The following CSMD1 variants were observed in gnomAD, a reference collection of about 807,000 sequenced individuals.
CSMD1 encodes CUB and Sushi multiple domains 1, also known as CUB and sushi domain-containing protein 1.
Under a neutral mutation model 417.5 loss-of-function variants are expected in CSMD1, and 213 were observed. That is an observed-to-expected ratio of 0.51 (90% CI 0.46 to 0.57). The LOEUF (loss-of-function observed/expected upper bound fraction) is 0.57, where lower values mean the gene tolerates loss of function less well. CSMD1 is among the 20% of genes least tolerant of loss of function. CSMD1 has a pLI of 0.00. For synonymous variants in CSMD1, 2,862 were observed against 1,736.8 expected (o/e 1.65, Z -16.11); for missense variants, 6,923 against 4,529.7 (o/e 1.53, Z -15.17).
At chr8:4,300,340 T>C (rs771534869) in intron 3 of CSMD1, among the ~76,000 whole-genome samples, 37 of 152,276 alleles carry the variant, frequency 2.4e-4, no homozygotes, top group Non-Finnish European at 4.7e-4. Flanking sequence ...AAAATAATAT[T>C]AAAAGGTAAA....
intron 5 of CSMD1, among the ~76,000 whole-genome samples, chr8:3,926,473 G>C (rs1218912078): frequency 1.3e-5 from 2 of 150,206 alleles, no homozygotes; most frequent in Non-Finnish European, 3.0e-5. Flanking sequence ...GAATACATGT[G>C]TTGCATTTCA....
chr8:4,636,487 C>T (rs751455132), intron 2 of CSMD1, among the ~76,000 whole-genome samples: 4 of 152,152 alleles, frequency 2.6e-5, no homozygotes, highest in Non-Finnish European at 4.4e-5. Flanking sequence ...TCCTATGTTC[C>T]TTTCACTGAA....
intron 49 of CSMD1, among the ~76,000 whole-genome samples, chr8:3,068,398 C>T (rs1813090173): frequency 6.6e-6 from 1 of 152,126 alleles, no homozygotes; most frequent in African/African-American, 2.4e-5. Flanking sequence ...CAAAAAATCC[C>T]CACACTTCAC....
Position 3,951,000 on chromosome 8 carries a change from C to T in CSMD1, c.818+46903G>A, listed in dbSNP as rs2912291. On this transcript the variant is annotated intron_variant, in intron 5 of 69. Transcript: ENST00000635120. ...CAGTTACAGTAAAAGCATAATTCAA[C>T]TGAGCCCCGTTTCTGATCTACAAAA... Among the ~76,000 whole-genome samples, 917 of 152,154 alleles carry T rather than the reference C, an allele frequency of 6.0e-3. 9 individuals carry two copies. The highest frequency in any genetic ancestry group is 0.018 in the African/African-American group (741 of 41,512).
intron 55 of CSMD1, among the ~76,000 whole-genome samples, chr8:2,977,915 T>A (rs1477915448): frequency 6.6e-6 from 1 of 152,078 alleles, no homozygotes; most frequent in African/African-American, 2.4e-5. Flanking sequence ...TATTAAAAAG[T>A]CAAGAAACAA....
At chr8:4,373,893 T>C (rs1802552682) in intron 3 of CSMD1, among the ~76,000 whole-genome samples, 2 of 152,210 alleles carry the variant, frequency 1.3e-5, no homozygotes, top group Non-Finnish European at 2.9e-5. Context: ...AAGCTGTTAG[T>C]GAGGTATTAA....
chr8:3,027,269 G>A lies in CSMD1; in HGVS notation c.7855+2050C>T, dbSNP rs144796111. Among the ~76,000 whole-genome samples, 1,457 of 152,270 alleles carry A rather than the reference G, an allele frequency of 9.6e-3. 12 individuals are homozygous for A. Among genetic ancestry groups the A allele is most frequent in the Non-Finnish European group, 0.016 (1,118 of 68,026 alleles). Reference sequence around the variant, plus strand: ...CCATGTCAGCTTTCCCCAGCACACTGCATTCCCTGGTGTGGAATTGGTTCT... The same window carrying A: ...CCATGTCAGCTTTCCCCAGCACACTACATTCCCTGGTGTGGAATTGGTTCT... On this transcript the variant is annotated intron_variant, in intron 51 of 69. Transcript: ENST00000635120.
intron 10 of CSMD1, among the ~76,000 whole-genome samples, chr8:3,503,498 G>C (rs1011134760): frequency 6.6e-6 from 1 of 152,232 alleles, no homozygotes; most frequent in African/African-American, 2.4e-5. Flanking sequence ...CTGGCAGGAA[G>C]CCAAGAAACT....
At chr8:4,063,217 G>T (rs955766142) in intron 3 of CSMD1, among the ~76,000 whole-genome samples, 1 of 152,082 alleles carries the variant, frequency 6.6e-6, no homozygotes, top group East Asian at 1.9e-4. Context: ...ATGAGACTTT[G>T]TGTGCATATT....
chr8:3,609,990 C>A (rs1464825475), intron 8 of CSMD1, among the ~76,000 whole-genome samples: 1 of 151,700 alleles, frequency 6.6e-6, no homozygotes, highest in Non-Finnish European at 1.5e-5. Context: ...TTAGTAGAGA[C>A]AGGATTTCAA....
intron 3 of CSMD1, among the ~76,000 whole-genome samples, chr8:4,236,121 G>A (rs549411545): frequency 2.1e-5 from 3 of 144,486 alleles, no homozygotes; most frequent in African/African-American, 7.9e-5. Flanking sequence ...GGCTTCAAAC[G>A]GTGGGATAAA....
At chr8:3,559,198 A>G (rs1376711308) in intron 10 of CSMD1, among the ~76,000 whole-genome samples, 1 of 152,204 alleles carries the variant, frequency 6.6e-6, no homozygotes, top group Non-Finnish European at 1.5e-5. Flanking sequence ...TGTTTGGGCA[A>G]TAAGTATCAA....
At chr8:4,249,759 G>A (rs530515338) in intron 3 of CSMD1, among the ~76,000 whole-genome samples, 3 of 150,644 alleles carry the variant, frequency 2.0e-5, no homozygotes, top group East Asian at 4.7e-4. Context: ...GTCTATTAAT[G>A]GGGGAATTAA....
chr8:3,489,963 T>C (rs997288775), intron 11 of CSMD1, among the ~76,000 whole-genome samples: 1 of 152,222 alleles, frequency 6.6e-6, no homozygotes, highest in Non-Finnish European at 1.5e-5. Context: ...TACTGACTAG[T>C]ATTTAAACTA....
intron 5 of CSMD1, among the ~76,000 whole-genome samples, chr8:3,857,580 C>T (rs539914009): frequency 2.6e-5 from 4 of 152,166 alleles, no homozygotes; most frequent in East Asian, 3.8e-4. Flanking sequence ...TCTGTTTCTA[C>T]GCTGTGTAGA....
intron 3 of CSMD1, among the ~76,000 whole-genome samples, chr8:4,274,368 A>C (rs1796348538): frequency 6.6e-6 from 1 of 152,170 alleles, no homozygotes; most frequent in Non-Finnish European, 1.5e-5. Flanking sequence ...CTAAACTATG[A>C]GCACAAAATT....
At chr8:4,458,516 T>C (rs775227006) in intron 2 of CSMD1, among the ~76,000 whole-genome samples, 4 of 152,166 alleles carry the variant, frequency 2.6e-5, no homozygotes, top group African/African-American at 7.2e-5. Flanking sequence ...AAATTCTGTA[T>C]AGTGTGAAAG....
At chr8:4,148,077 T>C (rs1042667463) in intron 3 of CSMD1, among the ~76,000 whole-genome samples, 1 of 152,070 alleles carries the variant, frequency 6.6e-6, no homozygotes, top group Non-Finnish European at 1.5e-5. Flanking sequence ...GAGGAAGACT[T>C]TTCTCTTGAA....
intron 2 of CSMD1, among the ~76,000 whole-genome samples, chr8:4,490,250 C>G (rs897467173): frequency 1.3e-5 from 2 of 152,010 alleles, no homozygotes; most frequent in African/African-American, 2.4e-5. Flanking sequence ...CCATCTTGGC[C>G]AGGTTGATCT....
Sources: allele counts gnomAD v4.1 joint callset (sites outside exome capture counted in the v4.1 genomes callset), GRCh38; gene constraint gnomAD v4.1.1; transcripts MANE v1.5; gene names NCBI Gene and HGNC (gene_info 2026-07-23, HGNC 2026-07-21).